The following CACNA1B variants were observed in gnomAD, a reference collection of about 807,000 sequenced individuals.
CACNA1B encodes the protein voltage-dependent N-type calcium channel subunit alpha-1B.
A neutral mutation model predicts 247.2 loss-of-function variants in CACNA1B; 70 were observed. That is an observed-to-expected ratio of 0.28 (90% CI 0.23 to 0.35). The LOEUF (loss-of-function observed/expected upper bound fraction) is 0.35, where lower values mean the gene tolerates loss of function less well. CACNA1B is among the 10% of genes least tolerant of loss of function. CACNA1B has a pLI of 1.00. For synonymous variants in CACNA1B, 1,231 were observed against 1,294.4 expected (o/e 0.95, Z 1.05); for missense variants, 2,367 against 3,197.4 (o/e 0.74, Z 6.26).
At chr9:137,962,248 T>C (rs931206760) in intron 10 of CACNA1B, among the ~76,000 whole-genome samples, 3 of 152,026 alleles carry the variant, frequency 2.0e-5, no homozygotes, top group Non-Finnish European at 4.4e-5. Flanking sequence ...TTTCTGATTG[T>C]GTTTATTTGA....
Position 137,950,146 on chromosome 9 carries a change from G to T in CACNA1B, c.967-2128G>T, listed in dbSNP as rs1017291753. On this transcript the variant is annotated intron_variant, in intron 6 of 46. Transcript: ENST00000371372. This position sits in a 1 kb window ranked among gnomAD's most constrained non-coding sequence, Gnocchi z 4.8. The stretch of plus-strand genomic sequence containing the variant: ...TTGGCATCTGTTGACTTATGGTAGC[G>T]TGTTCTCCTTACTGCTGGGCGGGGG... Among the ~76,000 whole-genome samples the T allele has an allele frequency of 6.6e-6, 1 of 152,198 alleles. No homozygotes were observed.
rs1269568874 is a variant in CACNA1B, at chr9:138,121,840, C to G, written c.6861C>G (p.Asn2287Lys). 2 of 1,613,360 alleles carry G rather than the reference C, an allele frequency of 1.2e-6. No homozygotes were observed. Among genetic ancestry groups the G allele is most frequent in the East Asian group, 2.2e-5 (1 of 44,878 alleles). ...TLTFEEAVAT[N>K]SGRSSRTSYV... ...CTTTCGAGGAGGCTGTGGCCACCAA[C>G]TCGGGCCGCTCCTCCAGGACTTCCT... The change falls in exon 47 of 47, where the codon AAC (asparagine) becomes AAG (lysine). Residue 2287 changes from asparagine to lysine, a missense_variant. Transcript: ENST00000371372. The surrounding 1 kb of genome is among the most constrained non-coding windows in gnomAD (Gnocchi z 6.8).
chr9:138,096,537 G>A lies in CACNA1B; in HGVS notation c.5148G>A (p.Arg1716=). The change falls in exon 37 of 47, where the codon CGG becomes CGA. Residue 1716 remains arginine (R), a synonymous_variant. Coordinates refer to ENST00000371372, the MANE Select transcript of CACNA1B (RefSeq NM_000718.4). ...TGGACAATTTTGAGTACCTCACGCGGGACTCTTCCATCCTAGGTCCTCACC... is the reference window on the plus strand; with the variant it reads ...TGGACAATTTTGAGTACCTCACGCGAGACTCTTCCATCCTAGGTCCTCACC... ...VIMDNFEYLT[R]DSSILGPHHL... 3.1e-6 allele frequency: 5 copies of A among 1,612,860 alleles called. No homozygotes were observed. The highest frequency in any genetic ancestry group is 3.4e-6 in the Non-Finnish European group (4 of 1,179,206).
At chr9:137,922,405 C>T (rs1300109738) in intron 6 of CACNA1B, among the ~76,000 whole-genome samples, 1 of 152,042 alleles carries the variant, frequency 6.6e-6, no homozygotes, top group Non-Finnish European at 1.5e-5. Flanking sequence ...CACACAGCAT[C>T]CTGGGAGCAG....
rs543831494 is a variant in CACNA1B at position 137,954,903 on chromosome 9, G to A, written c.1071-795G>A. On this transcript the variant is annotated intron_variant, in intron 7 of 46. Transcript: ENST00000371372. The surrounding 1 kb of genome is among the most constrained non-coding windows in gnomAD (Gnocchi z 4.1). ...GTGAGAGAGAGAGAGAGAGAGAGAG[G>A]GGGAGAGAGAGAGAGAGAGAATGGC... is the stretch of plus-strand genomic sequence containing the variant. Among the ~76,000 whole-genome samples the A allele has an allele frequency of 1.2e-3, 131 of 111,230 alleles. No homozygotes were observed. The highest frequency in any genetic ancestry group is 4.4e-3 in the African/African-American group (91 of 20,636). 73.0% of individuals were successfully genotyped at this position (111,230 alleles called of 152,430 possible). A position where few individuals can be genotyped will look rare whatever the true frequency, so the allele number is the denominator to read the frequency against.
At chr9:137,940,441 C>A (rs1173842649) in intron 6 of CACNA1B, among the ~76,000 whole-genome samples, 1 of 151,940 alleles carries the variant, frequency 6.6e-6, no homozygotes, top group Non-Finnish European at 1.5e-5. Flanking sequence ...AATTACCAAC[C>A]AAAAAACTCC....
At chr9:138,066,320 G>C (rs144281950) in intron 31 of CACNA1B, among the ~76,000 whole-genome samples, 1,587 of 152,328 alleles carry the variant, frequency 0.01, 20 homozygotes, top group African/African-American at 0.037. Flanking sequence ...GCTGGCTCAC[G>C]CCTGTACTCC....
In CACNA1B at chr9:137,888,146, G is replaced by A. The variant is rs1245698614; in HGVS notation, c.530+5263G>A. On this transcript the variant is annotated intron_variant, in intron 3 of 46. Coordinates refer to ENST00000371372, the MANE Select transcript of CACNA1B (RefSeq NM_000718.4). The surrounding 1 kb of genome is among the most constrained non-coding windows in gnomAD (Gnocchi z 4.7). ...GAGCCGGAAGCAGTGATCCAGGTGG[G>A]AGTGGTGAGGGTTTGTACCAGGGAG... is the stretch of plus-strand genomic sequence containing the variant. 2.0e-5 allele frequency among the ~76,000 whole-genome samples: 3 copies of A among 152,014 alleles called. No homozygotes were observed. The highest frequency in any genetic ancestry group is 4.4e-5 in the Non-Finnish European group (3 of 67,962).
intron 3 of CACNA1B, among the ~76,000 whole-genome samples, chr9:137,902,506 A>G (rs1286987771): frequency 6.6e-6 from 1 of 152,046 alleles, no homozygotes; most frequent in African/African-American, 2.4e-5. Context: ...CCTTTTTTCT[A>G]TTGTTGTTAA....
chr9:138,077,490 T>C (rs1235198913), intron 35 of CACNA1B, among the ~76,000 whole-genome samples: 1 of 152,142 alleles, frequency 6.6e-6, no homozygotes, highest in Non-Finnish European at 1.5e-5. Flanking sequence ...GATTTTGGCA[T>C]TTCTGATGAG....
intron 11 of CACNA1B, 46 bp from the exon 12 acceptor site, chr9:137,975,861 G>A: frequency 8.5e-7 from 1 of 1,172,770 alleles, no homozygotes; most frequent in Non-Finnish European, 1.3e-6. Flanking sequence ...GAGCCAGAGT[G>A]GGAGGAGGCC....
At chr9:137,889,181 T>A (rs1432949881) in intron 3 of CACNA1B, among the ~76,000 whole-genome samples, 1 of 150,282 alleles carries the variant, frequency 6.7e-6, no homozygotes, top group Non-Finnish European at 1.5e-5. Context: ...CCAGGACACG[T>A]TGGAGCATGG....
In CACNA1B at chr9:138,028,276, G is replaced by C. The variant is rs531442814; in HGVS notation, c.3286+3104G>C. 1.4e-4 allele frequency among the ~76,000 whole-genome samples: 22 copies of C among 152,122 alleles called. No homozygotes were observed. In the South Asian group the frequency reaches 4.2e-3, roughly 29 times the overall value. On this transcript the variant is annotated intron_variant, in intron 20 of 46. Transcript: ENST00000371372. ...GACCTCAAGTGATCCACCTGTCTTG[G>C]CCTCCCGAAGTGCTGGGATTACAGG...
intron 38 of CACNA1B, among the ~76,000 whole-genome samples, chr9:138,103,035 C>G (rs1334771656): frequency 6.6e-6 from 1 of 152,132 alleles, no homozygotes; most frequent in East Asian, 1.9e-4. Context: ...CTCTTGTCCC[C>G]ACAACCTGAG....
At chr9:137,941,634 G>A (rs1359022083) in intron 6 of CACNA1B, among the ~76,000 whole-genome samples, 3 of 152,090 alleles carry the variant, frequency 2.0e-5, no homozygotes, top group African/African-American at 7.2e-5. Flanking sequence ...AAACAGCATG[G>A]TACTGGTATA....
chr9:137,985,531 C>T (rs1471073509), intron 13 of CACNA1B, among the ~76,000 whole-genome samples: 5 of 152,210 alleles, frequency 3.3e-5, no homozygotes, highest in African/African-American at 4.8e-5. Context: ...TCTTCCATCC[C>T]GTCTGCCATT....
rs1334299343 is a variant in CACNA1B, at chr9:138,100,818, C to T, written c.5223-1893C>T. 2.0e-5 allele frequency among the ~76,000 whole-genome samples: 3 copies of T among 152,130 alleles called. No homozygotes were observed. Among genetic ancestry groups the T allele is most frequent in the Non-Finnish European group, 2.9e-5 (2 of 68,022 alleles). ...ACCTGGGAGGCCCAGGGAGCATCGT[C>T]ACTCAGGGAGTGAGAGGAAGAGCTG... On this transcript the variant is annotated intron_variant, in intron 37 of 46. Transcript: ENST00000371372. This position sits in a 1 kb window ranked among gnomAD's most constrained non-coding sequence, Gnocchi z 4.6.
At chr9:138,055,349 C>T (rs1028966792) in intron 26 of CACNA1B, among the ~76,000 whole-genome samples, 5 of 151,996 alleles carry the variant, frequency 3.3e-5, no homozygotes, top group African/African-American at 7.3e-5. Flanking sequence ...AAGCTGGTCT[C>T]GAGCTCCTGG....
chr9:138,116,769 C>T (rs141659225), intron 42 of CACNA1B, among the ~76,000 whole-genome samples: 162 of 152,306 alleles, frequency 1.1e-3, no homozygotes, highest in Middle Eastern at 3.4e-3. Context: ...TCAGGGTTAG[C>T]GGTGCATTAG....
Sources: allele counts gnomAD v4.1 joint callset (sites outside exome capture counted in the v4.1 genomes callset), GRCh38; gene constraint gnomAD v4.1.1; non-coding constraint Gnocchi (gnomAD v3.1); transcripts MANE v1.5; gene names NCBI Gene and HGNC (gene_info 2026-07-23, HGNC 2026-07-21).